Variants in USP40 observed in about 807,000 individuals in gnomAD.
The protein encoded by USP40 is ubiquitin specific peptidase 40.
Under a neutral mutation model 166.2 loss-of-function variants are expected in USP40, and 143 were observed. The observed-to-expected ratio is 0.86, with a 90% CI of 0.75 to 0.99. The LOEUF is 0.99. Among genes scored for constraint, USP40 ranks in the 50% least tolerant of loss-of-function variants. The pLI is 0.00. For synonymous variants in USP40, 498 were observed against 524.0 expected, an observed-to-expected ratio of 0.95 and a Z score of 0.68; for missense variants, 1,444 against 1,479.7, an observed-to-expected ratio of 0.98 and a Z score of 0.40.
At chr2:233,501,707 A>G (rs1470767902) in intron 21 of USP40, among the ~76,000 whole-genome samples, 3 of 152,252 alleles carry the variant, frequency 2.0e-5, no homozygotes, top group Admixed American at 6.5e-5. Flanking sequence ...CAAGGCTTTC[A>G]GCCTAAGCAA....
chr2:233,542,434 G>C, intron 8 of USP40, 71 bp from the exon 9 acceptor site: 1 of 905,368 alleles, frequency 1.1e-6, no homozygotes, highest in Non-Finnish European at 1.7e-6. Context: ...ATGTTGGCCA[G>C]GCACAGTAGC....
At chr2:233,511,858 A>C in intron 19 of USP40, 61 bp from the exon 20 acceptor site, 1 of 1,307,212 alleles carries the variant, frequency 7.6e-7, no homozygotes. Context: ...AAGAAAAATA[A>C]ATGCTGAAAT....
chr2:233,478,286 C>T lies in USP40; in HGVS notation c.3600-783G>A, dbSNP rs539912293. On this transcript the variant is annotated intron_variant, in intron 31 of 31. Transcript: ENST00000678225. ...GAGTTCCAAAGTGTCTGTGCCAATT[C>T]CACACCCACACACAGGGGATGAGAG... 1.1e-4 allele frequency among the ~76,000 whole-genome samples: 17 copies of T among 152,322 alleles called. No individual in the cohort carries two copies. The East Asian group carries it at 3.3e-3, about 29-fold the overall frequency.
chr2:233,489,676 A>G (rs556146834), intron 26 of USP40, 193 bp from the exon 27 acceptor site: 1 of 549,744 alleles, frequency 1.8e-6, no homozygotes, highest in Admixed American at 3.5e-5. Context: ...AGCGGTCTTC[A>G]TATTCCTCTG....
chr2:233,540,549 G>A (rs1279365194), intron 10 of USP40, 113 bp downstream of exon 10: 4 of 627,656 alleles, frequency 6.4e-6, no homozygotes, highest in African/African-American at 1.8e-5. Flanking sequence ...ATACAAATAC[G>A]GTGATTTTAT....
intron 21 of USP40, among the ~76,000 whole-genome samples, chr2:233,509,562 C>T (rs1271803887): frequency 1.3e-5 from 2 of 151,704 alleles, no homozygotes; most frequent in Non-Finnish European, 2.9e-5. Flanking sequence ...CAGTTGAGGC[C>T]GAGTGGAATG....
intron 29 of USP40, 68 bp from the exon 30 acceptor site, chr2:233,485,694 CTG>C: frequency 1.2e-6 from 2 of 1,601,606 alleles, no homozygotes; most frequent in Non-Finnish European, 1.7e-6. Flanking sequence ...TTCTCTATCA[CTG>C]TGAAAAATTG....
chr2:233,500,360 C>T (rs757429415), intron 21 of USP40, among the ~76,000 whole-genome samples: 2 of 152,130 alleles, frequency 1.3e-5, no homozygotes, highest in Non-Finnish European at 2.9e-5. Flanking sequence ...TCCCCGTTTT[C>T]CCTAAATATA....
intron 3 of USP40, 108 bp from the exon 4 acceptor site, chr2:233,560,032 A>C: frequency 1.6e-6 from 1 of 634,644 alleles, no homozygotes; most frequent in East Asian, 3.0e-5. Flanking sequence ...CATTCAGGAG[A>C]AAGTTTATAA....
At chr2:233,484,010 G>A (rs2064789220) in intron 30 of USP40, among the ~76,000 whole-genome samples, 1 of 152,114 alleles carries the variant, frequency 6.6e-6, no homozygotes, top group East Asian at 1.9e-4. Flanking sequence ...GAGCCTGTTT[G>A]TCTACCCGTG....
At position 233,533,609 on chromosome 2, in the gene USP40, G is replaced by C. The variant is rs373402622; in HGVS notation, c.1341C>G (p.Pro447=). ...TAGAATCATTTATATCAAACCAGTG[G>C]GGACAGGAGATGCTATTGTTTAAAC... The part of the protein sequence containing the change: ...SPGLNNSISC[P]HWFDINDSKV... Residue 447 remains proline, a synonymous_variant, in exon 11 of 32, where the codon CCC becomes CCG. Transcript: ENST00000678225. 6.2e-6 allele frequency: 10 copies of C among 1,613,618 alleles called. No individual in the cohort carries two copies. Among genetic ancestry groups the C allele is most frequent in the Non-Finnish European group, 8.5e-6 (10 of 1,179,792 alleles).
At chr2:233,479,686 G>A (rs979915762) in intron 31 of USP40, among the ~76,000 whole-genome samples, 2 of 150,332 alleles carry the variant, frequency 1.3e-5, no homozygotes, top group African/African-American at 2.4e-5. Flanking sequence ...GAAAACCCCC[G>A]AAGCAGCCAG....
At chr2:233,548,113 A>G (rs1346382735) in intron 8 of USP40, among the ~76,000 whole-genome samples, 3 of 152,216 alleles carry the variant, frequency 2.0e-5, no homozygotes, top group African/African-American at 7.2e-5. Flanking sequence ...GTACATTGGT[A>G]GAGAAAAATT....
rs182741449 is a variant in USP40 at position 233,555,718 on chromosome 2, C to T, written c.546+1137G>A. Among the ~76,000 whole-genome samples, 941 of 150,484 alleles carry T rather than the reference C, an allele frequency of 6.3e-3. 22 individuals carry two copies. The East Asian group carries it at 0.084, about 13-fold the overall frequency. ...TGGCGCAATCTCAGGTCACTGCAAC[C>T]TCCACCTCCCGGGTTCAAGCGATTC... On this transcript the variant is annotated intron_variant, in intron 5 of 31. Transcript: ENST00000678225.
chr2:233,552,954 T>C (rs907756687), intron 6 of USP40, among the ~76,000 whole-genome samples: 23 of 152,232 alleles, frequency 1.5e-4, no homozygotes, highest in African/African-American at 5.3e-4. Flanking sequence ...ACCCACTGAG[T>C]GAACTGAGCT....
intron 21 of USP40, among the ~76,000 whole-genome samples, 158 bp from the exon 22 acceptor site, chr2:233,500,073 T>G (rs1285189287): frequency 6.6e-6 from 1 of 152,108 alleles, no homozygotes; most frequent in Non-Finnish European, 1.5e-5. Flanking sequence ...AATACACGAG[T>G]CAGCTTTCCT....
At chr2:233,549,479 G>A (rs1056937574) in intron 7 of USP40, among the ~76,000 whole-genome samples, 10 of 151,952 alleles carry the variant, frequency 6.6e-5, no homozygotes, top group Admixed American at 5.2e-4. Flanking sequence ...TGAAAAATAC[G>A]TTACTTTTAT....
chr2:233,485,739 T>C (rs763489426), intron 29 of USP40, 28 bp downstream of exon 29: 9 of 1,611,102 alleles, frequency 5.6e-6, no homozygotes, highest in Middle Eastern at 3.3e-4. Context: ...TAAGCCCCAA[T>C]TTCTCTGAGA....
chr2:233,512,646 T>TTTCTTAGTATATTATTC, intron 18 of USP40, 24 bp from the exon 19 acceptor site: 1 of 1,363,144 alleles, frequency 7.3e-7, no homozygotes, highest in Non-Finnish European at 9.9e-7. Context: ...GAATATTATT[T>TTTCTTAGTATATTATTC]TTCTTAGAGA....
Sources: allele counts gnomAD v4.1 joint callset (sites outside exome capture counted in the v4.1 genomes callset), GRCh38; gene constraint gnomAD v4.1.1; transcripts MANE v1.5; gene names NCBI Gene and HGNC (gene_info 2026-07-23, HGNC 2026-07-21).